CLTCL1: variants seen among roughly 807,000 people sequenced by gnomAD.
CLTCL1 encodes the protein clathrin heavy chain like 1.
CLTCL1 carries 159 observed loss-of-function variants against 190.0 expected under a neutral mutation model. That is an observed-to-expected ratio of 0.84 (90% CI 0.74 to 0.95). The LOEUF is 0.95. Among genes scored for constraint, CLTCL1 ranks in the 40% least tolerant of loss-of-function variants. CLTCL1 has a pLI of 0.00. For synonymous variants in CLTCL1, 752 were observed against 769.6 expected (o/e 0.98, Z 0.38); for missense variants, 1,878 against 2,033.4 (o/e 0.92, Z 1.47).
chr22:19,245,265 C>G (rs1423125398), intron 3 of CLTCL1, among the ~76,000 whole-genome samples: 1 of 148,354 alleles, frequency 6.7e-6, no homozygotes, highest in Non-Finnish European at 1.5e-5. Flanking sequence ...GTGACCTCGG[C>G]TCACCACAAC....
At position 19,229,926 on chromosome 22, in the gene CLTCL1, A is replaced by G. The variant is rs1412587140; in HGVS notation, c.1694T>C (p.Phe565Ser). 31 of 1,611,532 alleles carry G rather than the reference A, an allele frequency of 1.9e-5. No homozygotes were observed. Among genetic ancestry groups the G allele is most frequent in the Non-Finnish European group, 2.3e-5 (27 of 1,178,990 alleles). The change falls in exon 11 of 33, where the codon TTC becomes TCC. Residue 565 changes from phenylalanine to serine, a missense_variant. Transcript: ENST00000427926. ...ATTATTCTTCAAGGCATCCAATAAG[A>G]AGGAAGTACACTGCTGAATTAAACT... Reference protein sequence around the residue: ...ENSLIQQCTSFLLDALKNNRP... With the variant: ...ENSLIQQCTSSLLDALKNNRP...
At chr22:19,272,622 C>T (rs993097217) in intron 2 of CLTCL1, among the ~76,000 whole-genome samples, 1 of 152,104 alleles carries the variant, frequency 6.6e-6, no homozygotes, top group Non-Finnish European at 1.5e-5. Flanking sequence ...AGGTGCACGC[C>T]ACCACGCCCA....
chr22:19,273,472 C>T (rs141504706), intron 2 of CLTCL1, among the ~76,000 whole-genome samples: 2 of 152,148 alleles, frequency 1.3e-5, no homozygotes, highest in African/African-American at 4.8e-5. Context: ...CTGGCAATCA[C>T]AGCAAGGCCA....
At chr22:19,180,882 G>A in intron 30 of CLTCL1, 76 bp from the exon 31 acceptor site, 9 of 1,313,228 alleles carry the variant, frequency 6.9e-6, no homozygotes, top group East Asian at 2.3e-5. Flanking sequence ...TGGAGTGGAA[G>A]GTCAGGACAC....
chr22:19,284,799 C>T (rs1050531014), intron 1 of CLTCL1, among the ~76,000 whole-genome samples: 1 of 150,830 alleles, frequency 6.6e-6, no homozygotes, highest in South Asian at 2.1e-4. Flanking sequence ...ACTAAAAATA[C>T]AAAAATTAGC....
At chr22:19,254,824 T>G (rs892713982) in intron 2 of CLTCL1, among the ~76,000 whole-genome samples, 5 of 152,354 alleles carry the variant, frequency 3.3e-5, no homozygotes, top group African/African-American at 1.2e-4. Context: ...TTTATTTAAC[T>G]TTAATTAATT....
chr22:19,192,325 A>G (rs578093676), intron 26 of CLTCL1, among the ~76,000 whole-genome samples: 2 of 152,194 alleles, frequency 1.3e-5, no homozygotes, highest in Non-Finnish European at 2.9e-5. Flanking sequence ...TCAGCCTCCC[A>G]AAGTGCTGGG....
intron 1 of CLTCL1, among the ~76,000 whole-genome samples, chr22:19,282,809 G>C (rs564800880): frequency 3.3e-5 from 5 of 151,348 alleles, no homozygotes; most frequent in South Asian, 2.1e-4. Context: ...TTCTCCATAC[G>C]CAGGAACTAA....
At chr22:19,277,172 G>A (rs1193243830) in intron 1 of CLTCL1, among the ~76,000 whole-genome samples, 1 of 152,078 alleles carries the variant, frequency 6.6e-6, no homozygotes, top group Non-Finnish European at 1.5e-5. Context: ...ATTCAGGACG[G>A]TGCCTTGTTT....
At chr22:19,221,645 G>C (rs1421788264) in intron 16 of CLTCL1, 34 bp from the exon 17 acceptor site, 4 of 1,521,486 alleles carry the variant, frequency 2.6e-6, no homozygotes, top group Non-Finnish European at 3.6e-6. Context: ...AAAGTCTCAA[G>C]GCTACCACTG....
At chr22:19,208,439 C>G (rs2085117534) in intron 21 of CLTCL1, 128 bp from the exon 22 acceptor site, 1 of 1,071,670 alleles carries the variant, frequency 9.3e-7, no homozygotes, top group African/African-American at 1.6e-5. Flanking sequence ...AACTCAGACT[C>G]CAGATAACGT....
In CLTCL1 at chr22:19,221,933, C is replaced by T; in HGVS notation, c.2561+18G>A. 1.9e-6 allele frequency: 3 copies of T among 1,612,342 alleles called. No homozygotes were observed. The highest frequency in any genetic ancestry group is 2.5e-6 in the Non-Finnish European group (3 of 1,179,010). On this transcript the variant is annotated intron_variant, in intron 16 of 32. Coordinates refer to ENST00000427926, the MANE Select transcript of CLTCL1 (RefSeq NM_007098.4). ...AGAATCCAGGGGTAAGAGAAAACACCAAGTAAGGACACCTTACCTATTTCT... is the reference window on the plus strand; with the variant it reads ...AGAATCCAGGGGTAAGAGAAAACACTAAGTAAGGACACCTTACCTATTTCT...
At chr22:19,196,884 A>G (rs965507715) in intron 24 of CLTCL1, among the ~76,000 whole-genome samples, 10 of 152,156 alleles carry the variant, frequency 6.6e-5, no homozygotes, top group African/African-American at 2.2e-4. Context: ...ACAATTTTCA[A>G]GTTTAGTAAG....
In CLTCL1 at chr22:19,187,564, G is replaced by A. The variant is rs1409338279; in HGVS notation, c.4599C>T (p.Leu1533=). 8.7e-6 allele frequency: 14 copies of A among 1,610,994 alleles called. No individual in the cohort carries two copies. The highest frequency in any genetic ancestry group is 1.2e-5 in the Non-Finnish European group (14 of 1,178,942). The change falls in exon 29 of 33, where the codon CTC becomes CTT. Residue 1533 remains leucine (L), a synonymous_variant. Coordinates refer to ENST00000427926, the MANE Select transcript of CLTCL1 (RefSeq NM_007098.4). The stretch of plus-strand genomic sequence containing the variant: ...ACGGGCCCAGGCCACCAACCTTGTA[G>A]AGATGATCCTTCTTGCAGAGCTCCA... ...QSVELCKKDH[L]YKDAMQHAAE...
rs782194359 is a variant in CLTCL1, at chr22:19,180,095, G to A, written c.*20+104C>T. 6.3e-4 allele frequency: 643 copies of A among 1,018,448 alleles called. 2 individuals are homozygous for A. The highest frequency in any genetic ancestry group is 8.7e-4 in the Admixed American group (44 of 50,698). 63.1% of individuals were successfully genotyped at this position (1,018,448 alleles called of 1,614,324 possible). ...TAGGACCAGCCCTTACCACCCAGACGCTGAGGCCCCAAGAGAGCAGGCATC... is the reference window on the plus strand; with the variant it reads ...TAGGACCAGCCCTTACCACCCAGACACTGAGGCCCCAAGAGAGCAGGCATC... On this transcript the variant is annotated intron_variant, in intron 32 of 32. Coordinates refer to ENST00000427926, the MANE Select transcript of CLTCL1 (RefSeq NM_007098.4).
intron 2 of CLTCL1, among the ~76,000 whole-genome samples, chr22:19,264,313 G>A (rs2087049727): frequency 6.6e-6 from 1 of 151,608 alleles, no homozygotes; most frequent in Non-Finnish European, 1.5e-5. Flanking sequence ...TAGCAAGAAT[G>A]TGAAAAAATT....
chr22:19,227,449 C>CTTTT (rs1216657802), intron 11 of CLTCL1, among the ~76,000 whole-genome samples: 2 of 125,318 alleles, frequency 1.6e-5, no homozygotes, highest in Non-Finnish European at 3.4e-5. Flanking sequence ...CACCTGGCTA[C>CTTTT]TTTTTTTTTT....
chr22:19,193,722 T>C (rs1459634515), intron 26 of CLTCL1, among the ~76,000 whole-genome samples: 2 of 152,230 alleles, frequency 1.3e-5, no homozygotes, highest in Non-Finnish European at 2.9e-5. Flanking sequence ...CAGACCCTCA[T>C]GGTGAGTGTT....
intron 16 of CLTCL1, 147 bp from the exon 17 acceptor site, chr22:19,221,758 G>T: frequency 1.0e-6 from 1 of 981,172 alleles, no homozygotes; most frequent in East Asian, 2.6e-5. Flanking sequence ...GATGGACCTG[G>T]TTTCCAAACT....
Sources: allele counts gnomAD v4.1 joint callset (sites outside exome capture counted in the v4.1 genomes callset), GRCh38; gene constraint gnomAD v4.1.1; transcripts MANE v1.5; gene names NCBI Gene and HGNC (gene_info 2026-07-23, HGNC 2026-07-21).